Variants in LEPROT observed in about 807,000 individuals in gnomAD.
The protein encoded by LEPROT is leptin receptor overlapping transcript.
A neutral mutation model predicts 15.4 loss-of-function variants in LEPROT; 3 were observed. The observed-to-expected ratio is 0.19, with a 90% CI of 0.09 to 0.50. The LOEUF (loss-of-function observed/expected upper bound fraction) is 0.50. Ranked by LOEUF, LEPROT falls within the 20% of genes least tolerant of loss-of-function variation. The pLI is 0.97. For missense variants in LEPROT, 137 were observed against 162.2 expected (o/e 0.84, Z 0.84); for synonymous variants, 59 against 57.5 (o/e 1.03, Z -0.12).
rs1646454443 is a variant in LEPROT at position 65,429,956 on chromosome 1, A to G, written c.187A>G (p.Ser63Gly). ...KRVTYDSDAT[S>G]SACRELAYFF... ...AGTCACCTATGACTCAGATGCAACC[A>G]GTAGTGCCTGTCGGGAACTGGCATA... is the stretch of plus-strand genomic sequence containing the variant. The change falls in exon 3 of 4, where the codon AGT becomes GGT. Residue 63 changes from serine to glycine, a missense_variant. Coordinates refer to ENST00000371065, the MANE Select transcript of LEPROT (RefSeq NM_017526.5). 1 of 1,579,150 alleles carries G rather than the reference A, an allele frequency of 6.3e-7. No individual in the cohort carries two copies. Among genetic ancestry groups the G allele is most frequent in the East Asian group, 2.3e-5 (1 of 44,108 alleles).
At chr1:65,421,349 A>G (rs1646246029) in intron 1 of LEPROT, 5 of 1,535,882 alleles carry the variant, frequency 3.3e-6, no homozygotes, top group Non-Finnish European at 4.4e-6. Context: ...GTGTGTGTGT[A>G]GTATGTGTTT....
In LEPROT at chr1:65,434,012, A is replaced by G. The variant is rs147407267; in HGVS notation, c.*2093A>G. 3 of 985,306 alleles carry G rather than the reference A, an allele frequency of 3.0e-6. No individual in the cohort carries two copies. The highest frequency in any genetic ancestry group is 6.1e-5 in the Admixed American group (1 of 16,292). 61.0% of individuals were successfully genotyped at this position (985,306 alleles called of 1,614,324 possible). On this transcript the variant is annotated 3_prime_UTR_variant, in exon 4 of 4. Transcript: ENST00000371065. ...AAGATGGCAATAATGATTCATTTCTACTACATTTTGCAAAAGTGTTTTTGT... is the reference window on the plus strand; with the variant it reads ...AAGATGGCAATAATGATTCATTTCTGCTACATTTTGCAAAAGTGTTTTTGT...
chr1:65,422,602 T>C (rs765785465), intron 1 of LEPROT, among the ~76,000 whole-genome samples: 1 of 152,234 alleles, frequency 6.6e-6, no homozygotes, highest in Non-Finnish European at 1.5e-5. Flanking sequence ...ATGCTTGAAC[T>C]GAATCTGAAG....
chr1:65,430,802 A>C (rs1042463537), intron 3 of LEPROT, among the ~76,000 whole-genome samples: 1 of 151,806 alleles, frequency 6.6e-6, no homozygotes, highest in Non-Finnish European at 1.5e-5. Flanking sequence ...CTGGGTAAGT[A>C]TACTATAAGT....
rs1392611141 is a variant in LEPROT, at chr1:65,422,477, CTGT to C, written c.16+1742_16+1744del. Reference sequence around the variant, plus strand: ...TCCAGAACTGTCAGAAGATAAATTTCTGTTGTTCTCAGCCATCCAGTTTGTGGT... The same window carrying C: ...TCCAGAACTGTCAGAAGATAAATTTCTGTTCTCAGCCATCCAGTTTGTGGT... On this transcript the variant is annotated intron_variant, in intron 1 of 3. Coordinates refer to ENST00000371065, the MANE Select transcript of LEPROT (RefSeq NM_017526.5). Among the ~76,000 whole-genome samples the C allele has an allele frequency of 5.9e-5, 9 of 152,358 alleles. No individual in the cohort carries two copies. The East Asian group carries it at 1.3e-3, about 23-fold the overall frequency.
intron 1 of LEPROT, among the ~76,000 whole-genome samples, chr1:65,422,985 G>C (rs1192172629): frequency 6.6e-6 from 1 of 152,196 alleles, no homozygotes; most frequent in Non-Finnish European, 1.5e-5. Context: ...CTGTAGCAGA[G>C]AGTTTAAGAA....
chr1:65,431,074 C>T (rs1646475706), intron 3 of LEPROT, among the ~76,000 whole-genome samples: 2 of 152,092 alleles, frequency 1.3e-5, no homozygotes, highest in African/African-American at 4.8e-5. Flanking sequence ...GTCTTGAACC[C>T]CATGCCAGTT....
rs556568930 is a variant in LEPROT at position 65,434,763 on chromosome 1, C to T, written c.*2844C>T. On this transcript the variant is annotated 3_prime_UTR_variant, in exon 4 of 4. Coordinates refer to ENST00000371065, the MANE Select transcript of LEPROT (RefSeq NM_017526.5). ...CTCCTGGGAGTTTTGTTCACCTCTC[C>T]CAACTGAGAACCTTCCCACTGGGCT... 33 of 985,460 alleles carry T rather than the reference C, an allele frequency of 3.3e-5. No individual in the cohort carries two copies. In the South Asian group the frequency reaches 1.5e-3, roughly 45 times the overall value. 61.0% of individuals were successfully genotyped at this position (985,460 alleles called of 1,614,324 possible).
chr1:65,423,289 C>T (rs556285881), intron 1 of LEPROT, among the ~76,000 whole-genome samples: 4 of 151,676 alleles, frequency 2.6e-5, no homozygotes, highest in South Asian at 2.1e-4. Flanking sequence ...AGCAGGAGTG[C>T]GTGGAGTGAA....
In LEPROT at chr1:65,433,001, T is replaced by C. The variant is rs1377966121; in HGVS notation, c.*1082T>C. The C allele has an allele frequency of 2.0e-6, 2 of 985,400 alleles. No homozygotes were observed. Among genetic ancestry groups the C allele is most frequent in the East Asian group, 2.3e-4 (2 of 8,812 alleles). 61.0% of individuals were successfully genotyped at this position (985,400 alleles called of 1,614,324 possible). A position where few individuals can be genotyped will look rare whatever the true frequency, so the allele number is the denominator to read the frequency against. On this transcript the variant is annotated 3_prime_UTR_variant, in exon 4 of 4. Coordinates refer to ENST00000371065, the MANE Select transcript of LEPROT (RefSeq NM_017526.5). Reference sequence around the variant, plus strand: ...AAAACATCTCAGTGGGGAACAGATGTATCTTTTCATCTGAAAGACAATGCT... The same window carrying C: ...AAAACATCTCAGTGGGGAACAGATGCATCTTTTCATCTGAAAGACAATGCT...
chr1:65,421,493 A>T (rs1646250144), intron 1 of LEPROT: 1 of 1,535,900 alleles, frequency 6.5e-7, no homozygotes, highest in East Asian at 2.4e-5. Context: ...TCTGTCGAAT[A>T]GAGTAGCATG....
At chr1:65,422,683 C>T (rs1195483078) in intron 1 of LEPROT, among the ~76,000 whole-genome samples, 1 of 152,204 alleles carries the variant, frequency 6.6e-6, no homozygotes, top group African/African-American at 2.4e-5. Context: ...GAGGACAGCA[C>T]GTGACATGGC....
Position 65,431,783 on chromosome 1 carries a change from C to G in LEPROT, c.280-20C>G, listed in dbSNP as rs369812689. 2.5e-6 allele frequency: 4 copies of G among 1,606,112 alleles called. No homozygotes were observed. Among genetic ancestry groups the G allele is most frequent in the Non-Finnish European group, 3.4e-6 (4 of 1,177,374 alleles). ...ATATGAAGGAAGTAAGGATTTAATC[C>G]TTCTTTTCTTGTCTTTCAGATCAAA... On this transcript the variant is annotated intron_variant, in intron 3 of 3. Transcript: ENST00000371065.
At chr1:65,427,617 C>T (rs1646404932) in intron 2 of LEPROT, among the ~76,000 whole-genome samples, 1 of 152,160 alleles carries the variant, frequency 6.6e-6, no homozygotes, top group African/African-American at 2.4e-5. Context: ...AGCTCATGTT[C>T]TGACGCCCTT....
intron 1 of LEPROT, among the ~76,000 whole-genome samples, chr1:65,424,026 G>C (rs184317690): frequency 1.7e-4 from 26 of 152,180 alleles, no homozygotes; most frequent in African/African-American, 6.3e-4. Flanking sequence ...TGAGAAATCA[G>C]GTTCAGAGGA....
Position 65,434,179 on chromosome 1 carries a change from T to C in LEPROT, c.*2260T>C. On this transcript the variant is annotated 3_prime_UTR_variant, in exon 4 of 4. Transcript: ENST00000371065. The stretch of plus-strand genomic sequence containing the variant: ...TAGATTATTAGATTTGCTCTATGTC[T>C]GAAAAGAGAGCTATTCTGCAGTGCC... 1 of 983,522 alleles carries C rather than the reference T, an allele frequency of 1.0e-6. No individual in the cohort carries two copies. Among genetic ancestry groups the C allele is most frequent in the Non-Finnish European group, 1.2e-6 (1 of 828,158 alleles). 60.9% of individuals were successfully genotyped at this position (983,522 alleles called of 1,614,324 possible).
rs1293797403 is a variant in LEPROT at position 65,435,939 on chromosome 1, A to G, written c.*4020A>G. The G allele has an allele frequency of 9.1e-6, 9 of 985,352 alleles. No individual in the cohort carries two copies. The highest frequency in any genetic ancestry group is 1.1e-5 in the Non-Finnish European group (9 of 829,802). The allele number at this position is 985,352 out of a possible 1,614,324, so 61.0% of individuals were successfully genotyped here. A position where few individuals can be genotyped will look rare whatever the true frequency, so the allele number is the denominator to read the frequency against. ...CATGCTACCAGCGTACAACAGTGAT[A>G]CATGTAACCCCAAATGTGATGTGAG... On this transcript the variant is annotated 3_prime_UTR_variant, in exon 4 of 4. Transcript: ENST00000371065.
chr1:65,427,480 G>T (rs911104132), intron 2 of LEPROT, among the ~76,000 whole-genome samples: 1 of 152,140 alleles, frequency 6.6e-6, no homozygotes, highest in African/African-American at 2.4e-5. Flanking sequence ...GATTGGTTGA[G>T]CCCAGGGGTT....
At chr1:65,425,504 T>G (rs1646343303) in intron 2 of LEPROT, 126 bp downstream of exon 2, 1 of 691,224 alleles carries the variant, frequency 1.4e-6, no homozygotes, top group African/African-American at 1.9e-5. Context: ...GCCCAGTTTA[T>G]GAACACAGTC....
Sources: allele counts gnomAD v4.1 joint callset (sites outside exome capture counted in the v4.1 genomes callset), GRCh38; gene constraint gnomAD v4.1.1; transcripts MANE v1.5; gene names NCBI Gene and HGNC (gene_info 2026-07-23, HGNC 2026-07-21).